The following PRKCB variants were observed in gnomAD, a reference collection of about 807,000 sequenced individuals.
PRKCB encodes protein kinase C beta type.
Under a neutral mutation model 81.5 loss-of-function variants are expected in PRKCB, and 13 were observed. The observed-to-expected ratio is 0.16, with a 90% CI of 0.10 to 0.25. PRKCB has a LOEUF of 0.25. PRKCB is among the 10% of genes least tolerant of loss of function. The pLI is 1.00. For synonymous variants in PRKCB, 335 were observed against 321.4 expected (o/e 1.04, Z -0.45); for missense variants, 509 against 875.7 (o/e 0.58, Z 5.29).
chr16:24,174,477 C>T (rs1456405081), intron 11 of PRKCB, 41 bp from the exon 12 acceptor site: 9 of 1,568,306 alleles, frequency 5.7e-6, no homozygotes, highest in Non-Finnish European at 7.9e-6. Flanking sequence ...ATATGGTGTC[C>T]TTGAGTTTCT....
intron 2 of PRKCB, among the ~76,000 whole-genome samples, chr16:23,867,458 A>G (rs1962828625): frequency 6.6e-6 from 1 of 152,122 alleles, no homozygotes; most frequent in South Asian, 2.1e-4. Flanking sequence ...ATCTTTTTAC[A>G]TATTTATTGG....
chr16:24,114,920 A>G (rs776821458), intron 8 of PRKCB, among the ~76,000 whole-genome samples: 1 of 152,320 alleles, frequency 6.6e-6, no homozygotes, highest in South Asian at 2.1e-4. Context: ...CCTTGAGAAC[A>G]TGTACAAGAG....
intron 16 of PRKCB, among the ~76,000 whole-genome samples, chr16:24,213,211 T>G (rs1169045052): frequency 6.6e-6 from 1 of 151,964 alleles, no homozygotes; most frequent in Admixed American, 6.6e-5. Flanking sequence ...ATTTTTATAT[T>G]TTTAGTAGAG....
intron 7 of PRKCB, among the ~76,000 whole-genome samples, chr16:24,097,498 C>A (rs541968889): frequency 6.6e-6 from 1 of 152,230 alleles, no homozygotes; most frequent in South Asian, 2.1e-4. Context: ...AATGACAAAT[C>A]AATGACAACA....
chr16:23,935,838 G>A (rs1157371302), intron 2 of PRKCB, among the ~76,000 whole-genome samples: 1 of 151,988 alleles, frequency 6.6e-6, no homozygotes, highest in Non-Finnish European at 1.5e-5. Context: ...AGCACACATA[G>A]ACATAAATAT....
chr16:23,927,846 C>T (rs1366744010), intron 2 of PRKCB, among the ~76,000 whole-genome samples: 1 of 151,936 alleles, frequency 6.6e-6, no homozygotes, highest in Admixed American at 6.6e-5. Context: ...GGCTGTCTCC[C>T]TTTTAGACAC....
chr16:24,214,970 T>C lies in PRKCB; in HGVS notation c.*154T>C. 1.4e-6 allele frequency: 2 copies of C among 1,464,236 alleles called. No homozygotes were observed. Among genetic ancestry groups the C allele is most frequent in the Non-Finnish European group, 1.8e-6 (2 of 1,113,776 alleles). 90.7% of individuals were successfully genotyped at this position (1,464,236 alleles called of 1,614,324 possible). A position where few individuals can be genotyped will look rare whatever the true frequency, so the allele number is the denominator to read the frequency against. ...GTTTCAGAACCCAAATGTCCTCAGG[T>C]AGTTTGGAGCATCTCTATGAGATGG... On this transcript the variant is annotated 3_prime_UTR_variant, in exon 17 of 17. Transcript: ENST00000643927.
intron 5 of PRKCB, among the ~76,000 whole-genome samples, chr16:24,040,375 A>G (rs950454710): frequency 1.3e-5 from 2 of 151,960 alleles, no homozygotes; most frequent in African/African-American, 4.8e-5. Context: ...TGCCATTGCC[A>G]TCTTCTCTTT....
chr16:24,096,669 ATATATAT>A (rs1966447935), intron 7 of PRKCB, among the ~76,000 whole-genome samples: 16 of 20,434 alleles, frequency 7.8e-4, no homozygotes, highest in Middle Eastern at 0.016. Flanking sequence ...AAAAAAAAAT[ATATATAT>A]ATATATATAT....
intron 3 of PRKCB, among the ~76,000 whole-genome samples, chr16:24,003,162 C>A (rs1276511949): frequency 6.6e-6 from 1 of 152,198 alleles, no homozygotes; most frequent in Non-Finnish European, 1.5e-5. Flanking sequence ...ACTTTCCCAA[C>A]ACCATGCCCA....
chr16:24,193,437 T>A lies in PRKCB; in HGVS notation c.1863+2207T>A, dbSNP rs868264894. Among the ~76,000 whole-genome samples, 6 of 128,038 alleles carry A rather than the reference T, an allele frequency of 4.7e-5. 1 individual carries two copies. In the South Asian group the frequency reaches 1.5e-3, roughly 31 times the overall value. The allele number at this position is 128,038 out of a possible 152,430, so 84.0% of individuals were successfully genotyped here. ...TCCAGCCTGGGCGACAGAGTGAGAC[T>A]CCATCTCAAATAAATAAATAAATAA... is the stretch of plus-strand genomic sequence containing the variant. On this transcript the variant is annotated intron_variant, in intron 16 of 16. Coordinates refer to ENST00000643927, the MANE Select transcript of PRKCB (RefSeq NM_002738.7).
At chr16:24,081,725 TTAG>T (rs1313578849) in intron 5 of PRKCB, among the ~76,000 whole-genome samples, 1 of 151,758 alleles carries the variant, frequency 6.6e-6, no homozygotes, top group Non-Finnish European at 1.5e-5. Flanking sequence ...AATACAAAAA[TTAG>T]TCGGGCGTGG....
At chr16:24,092,296 G>T (rs954392031) in intron 5 of PRKCB, among the ~76,000 whole-genome samples, 5 of 152,036 alleles carry the variant, frequency 3.3e-5, no homozygotes, top group Non-Finnish European at 5.9e-5. Flanking sequence ...TTTGTGTTGG[G>T]GTACACAAAT....
chr16:23,918,975 A>G (rs543640109), intron 2 of PRKCB, among the ~76,000 whole-genome samples: 10 of 152,350 alleles, frequency 6.6e-5, no homozygotes, highest in Admixed American at 1.3e-4. Flanking sequence ...CACTTATTCT[A>G]AGGAACTTGT....
At chr16:24,108,285 T>A (rs1966604089) in intron 7 of PRKCB, among the ~76,000 whole-genome samples, 1 of 46,172 alleles carries the variant, frequency 2.2e-5, no homozygotes, top group South Asian at 5.8e-4. Context: ...ATTTATTTAT[T>A]TTTTTTATTA....
chr16:24,137,044 ATTT>A (rs11321761), intron 9 of PRKCB, among the ~76,000 whole-genome samples: 1 of 139,556 alleles, frequency 7.2e-6, no homozygotes, highest in African/African-American at 2.7e-5. Context: ...TGCCCGGCTA[ATTT>A]TTTTTTTTTT....
At chr16:24,141,618 C>T (rs540947792) in intron 9 of PRKCB, among the ~76,000 whole-genome samples, 40 of 152,154 alleles carry the variant, frequency 2.6e-4, no homozygotes, top group Non-Finnish European at 4.7e-4. Context: ...TTGGCAAATC[C>T]GCATGCTAGA....
intron 16 of PRKCB, among the ~76,000 whole-genome samples, chr16:24,209,508 A>T (rs150786318): frequency 1.5e-4 from 23 of 152,176 alleles, no homozygotes; most frequent in African/African-American, 5.1e-4. Context: ...CTCAAATAGG[A>T]TCTCCTCCTC....
At chr16:23,927,982 G>A (rs1258298203) in intron 2 of PRKCB, among the ~76,000 whole-genome samples, 1 of 151,964 alleles carries the variant, frequency 6.6e-6, no homozygotes, top group East Asian at 1.9e-4. Context: ...CAGTCATGGA[G>A]TGTGCTGGGG....
Sources: allele counts gnomAD v4.1 joint callset (sites outside exome capture counted in the v4.1 genomes callset), GRCh38; gene constraint gnomAD v4.1.1; transcripts MANE v1.5; gene names NCBI Gene and HGNC (gene_info 2026-07-23, HGNC 2026-07-21).